The following ROBO2 variants were observed in gnomAD, a reference collection of about 807,000 sequenced individuals.
ROBO2 encodes the protein roundabout guidance receptor 2.
ROBO2 carries 53 observed loss-of-function variants against 160.8 expected under a neutral mutation model. The observed-to-expected ratio is 0.33, with a 90% CI of 0.26 to 0.41. The LOEUF (loss-of-function observed/expected upper bound fraction) is 0.41, where lower values mean the gene tolerates loss of function less well. Ranked by LOEUF, ROBO2 falls within the 10% of genes least tolerant of loss-of-function variation. ROBO2 has a pLI of 1.00. For missense variants in ROBO2, 1,577 were observed against 1,722.4 expected, an observed-to-expected ratio of 0.92 and a Z score of 1.49; for synonymous variants, 664 against 611.7, an observed-to-expected ratio of 1.09 and a Z score of -1.26.
chr3:75,946,348 CTATT>C (rs1948292064), intron 2 of ROBO2, among the ~76,000 whole-genome samples: 1 of 151,846 alleles, frequency 6.6e-6, no homozygotes, highest in Non-Finnish European at 1.5e-5. Context: ...CAATAAATGG[CTATT>C]TATAGAAAGC....
At chr3:76,023,739 A>G (rs2066646302) in intron 2 of ROBO2, among the ~76,000 whole-genome samples, 1 of 151,648 alleles carries the variant, frequency 6.6e-6, no homozygotes, top group Non-Finnish European at 1.5e-5. Flanking sequence ...GAATTACTGG[A>G]ATATGACACA....
rs374264157 is a variant in ROBO2 at position 76,854,985 on chromosome 3, T to C, written c.110-243029T>C. 6.6e-5 allele frequency among the ~76,000 whole-genome samples: 10 copies of C among 152,254 alleles called. No individual in the cohort carries two copies. The East Asian group carries it at 1.9e-3, about 29-fold the overall frequency. On this transcript the variant is annotated intron_variant, in intron 2 of 26. Transcript: ENST00000487694. Reference sequence around the variant, plus strand: ...TTATTGCTTCTGTGAGTCCTTTCCTTGTCTATAAAATTGCTGAACTTCTCC... The same window carrying C: ...TTATTGCTTCTGTGAGTCCTTTCCTCGTCTATAAAATTGCTGAACTTCTCC...
chr3:77,628,390 G>A (rs1349672636), intron 23 of ROBO2, among the ~76,000 whole-genome samples: 2 of 144,752 alleles, frequency 1.4e-5, no homozygotes, highest in Non-Finnish European at 3.0e-5. Context: ...TAAATTTGTA[G>A]ATTAATGTTT....
chr3:77,299,130 T>A (rs999181496), intron 2 of ROBO2, among the ~76,000 whole-genome samples: 2 of 152,172 alleles, frequency 1.3e-5, no homozygotes, highest in Admixed American at 6.6e-5. Flanking sequence ...ATGAAAAAAA[T>A]TAGTGCTTTT....
Position 77,197,929 on chromosome 3 carries a change from T to G in ROBO2, c.388+99589T>G, listed in dbSNP as rs183567252. The stretch of plus-strand genomic sequence containing the variant: ...GATACAACATTGCTCTCTTTGAAGA[T>G]GGGGGTGAGGGGGAATGAGCTAAGT... On this transcript the variant is annotated intron_variant, in intron 2 of 25. Coordinates refer to ENST00000461745, the Ensembl canonical transcript of ROBO2. Among the ~76,000 whole-genome samples, 981 of 152,154 alleles carry G rather than the reference T, an allele frequency of 6.4e-3. 2 individuals carry two copies. Among genetic ancestry groups the G allele is most frequent in the Non-Finnish European group, 9.4e-3 (636 of 67,994 alleles).
chr3:76,038,767 C>CGTGTGTGT (rs66489028), intron 2 of ROBO2, among the ~76,000 whole-genome samples: 2 of 148,228 alleles, frequency 1.3e-5, no homozygotes, highest in Admixed American at 6.7e-5. Flanking sequence ...TGGAAAACTG[C>CGTGTGTGT]GTGTGTGTGT....
intron 2 of ROBO2, among the ~76,000 whole-genome samples, chr3:76,523,031 TG>T (rs1201960478): frequency 1.3e-5 from 2 of 148,258 alleles, no homozygotes; most frequent in African/African-American, 4.9e-5. Flanking sequence ...ATTTTATATA[TG>T]TATATATTAT....
At chr3:77,074,362 A>C (rs1169582377) in intron 1 of ROBO2, among the ~76,000 whole-genome samples, 2 of 152,194 alleles carry the variant, frequency 1.3e-5, no homozygotes, top group Admixed American at 6.5e-5. Context: ...TCTAGGACAT[A>C]AAAGAAGTAG....
At chr3:76,533,450 G>A (rs1472555988) in intron 2 of ROBO2, among the ~76,000 whole-genome samples, 1 of 152,136 alleles carries the variant, frequency 6.6e-6, no homozygotes, top group African/African-American at 2.4e-5. Flanking sequence ...AGGAAAAATT[G>A]CTCATGTGAT....
At chr3:76,042,995 G>A (rs1206355742) in intron 2 of ROBO2, among the ~76,000 whole-genome samples, 2 of 151,854 alleles carry the variant, frequency 1.3e-5, no homozygotes, top group East Asian at 1.9e-4. Flanking sequence ...TCTACAACTC[G>A]GTGTCTGAGG....
intron 2 of ROBO2, among the ~76,000 whole-genome samples, chr3:76,871,994 G>A (rs1220633862): frequency 6.6e-6 from 1 of 151,762 alleles, no homozygotes; most frequent in African/African-American, 2.4e-5. Context: ...TTTCATGAAA[G>A]CTCTAAACTT....
At chr3:76,267,031 C>T (rs2107613585) in intron 2 of ROBO2, among the ~76,000 whole-genome samples, 1 of 152,212 alleles carries the variant, frequency 6.6e-6, no homozygotes, top group East Asian at 1.9e-4. Context: ...ACAATTTTCT[C>T]TGTGTGCATG....
intron 2 of ROBO2, among the ~76,000 whole-genome samples, chr3:77,166,632 C>A (rs2079107525): frequency 6.6e-6 from 1 of 152,128 alleles, no homozygotes; most frequent in Admixed American, 6.5e-5. Flanking sequence ...CATCTTGGCT[C>A]ACTGCAGGCT....
chr3:77,649,598 T>A lies in ROBO2; in HGVS notation c.*3543T>A, dbSNP rs531507373. The A allele has an allele frequency of 1.4e-4, 22 of 152,304 alleles. 1 individual carries two copies. The highest frequency in any genetic ancestry group is 5.1e-4 in the African/African-American group (21 of 41,582). The allele number at this position is 152,304 out of a possible 1,614,324, so 9.4% of individuals were successfully genotyped here. ...TTTCCACATTATTTTAGAGGTGAAA[T>A]TACTTTTGTTTTGCTTCTCTATAAT... On this transcript the variant is annotated 3_prime_UTR_variant, in exon 26 of 26. Coordinates refer to ENST00000461745, the Ensembl canonical transcript of ROBO2.
intron 2 of ROBO2, among the ~76,000 whole-genome samples, chr3:76,620,107 G>T (rs990101802): frequency 2.0e-5 from 3 of 152,114 alleles, no homozygotes; most frequent in East Asian, 3.8e-4. Context: ...TGAAACAAAA[G>T]AAATAACCTC....
intron 2 of ROBO2, among the ~76,000 whole-genome samples, chr3:76,320,728 C>G (rs1413513272): frequency 4.6e-5 from 7 of 152,114 alleles, no homozygotes. Context: ...ATGTCCCATT[C>G]CTGTTGAGGG....
intron 2 of ROBO2, among the ~76,000 whole-genome samples, chr3:76,337,032 TA>T (rs1251033480): frequency 6.6e-6 from 1 of 152,138 alleles, no homozygotes; most frequent in Non-Finnish European, 1.5e-5. Context: ...GAAAAAAAGA[TA>T]AAATTGTGTC....
intron 2 of ROBO2, among the ~76,000 whole-genome samples, chr3:76,753,423 A>T (rs978940823): frequency 2.0e-5 from 3 of 151,896 alleles, no homozygotes; most frequent in Non-Finnish European, 4.4e-5. Flanking sequence ...ATAATGTATG[A>T]ATCCAATAAA....
At chr3:77,180,410 CTCTCTCTA>C (rs1480882452) in intron 2 of ROBO2, among the ~76,000 whole-genome samples, 1,808 of 97,930 alleles carry the variant, frequency 0.018, 21 homozygotes, top group African/African-American at 0.025. Flanking sequence ...CTCTCTCTCT[CTCTCTCTA>C]TATATATATA....
Sources: gnomAD v4.1 joint callset for allele counts (sites outside exome capture counted in the v4.1 genomes callset) on GRCh38, gnomAD v4.1.1 for gene constraint, MANE v1.5 for transcripts, NCBI Gene and HGNC (gene_info 2026-07-23, HGNC 2026-07-21) for gene names.